PLXNA2: variants seen among roughly 807,000 people sequenced by gnomAD.
PLXNA2 encodes the protein plexin A2.
In PLXNA2, 91 loss-of-function variants were observed where a neutral mutation model predicts 193.5. The observed-to-expected ratio is 0.47, with a 90% CI of 0.40 to 0.56. The LOEUF is 0.56. PLXNA2 is among the 20% of genes least tolerant of loss of function. The pLI, the probability that PLXNA2 is intolerant of heterozygous loss-of-function variation, is 0.00. For synonymous variants in PLXNA2, 997 were observed against 1,027.3 expected, an observed-to-expected ratio of 0.97 and a Z score of 0.56; for missense variants, 1,995 against 2,503.2, an observed-to-expected ratio of 0.80 and a Z score of 4.33.
rs559755382 is a variant in PLXNA2, at chr1:208,159,537, G to A, written c.1372-17074C>T. 1.1e-3 allele frequency among the ~76,000 whole-genome samples: 163 copies of A among 152,336 alleles called. 6 individuals carry two copies. The South Asian group carries it at 0.032, about 30-fold the overall frequency. On this transcript the variant is annotated intron_variant, in intron 3 of 31. Coordinates refer to ENST00000367033, the MANE Select transcript of PLXNA2 (RefSeq NM_025179.4). ...TCTTGAGAGTCTGGGCATTTAGGAT[G>A]TTGGAGTCAGAGGAGACTGGGGACA...
At chr1:208,093,136 G>T (rs1666768859) in intron 8 of PLXNA2, among the ~76,000 whole-genome samples, 1 of 152,214 alleles carries the variant, frequency 6.6e-6, no homozygotes, top group African/African-American at 2.4e-5. Context: ...CAAAGCAGGG[G>T]TGTGCTTCTA....
At chr1:208,106,372 C>T (rs534745590) in intron 4 of PLXNA2, among the ~76,000 whole-genome samples, 15 of 152,294 alleles carry the variant, frequency 9.8e-5, no homozygotes, top group East Asian at 5.8e-4. Context: ...ATAAAAACAA[C>T]GACAGCATTA....
At chr1:208,058,785 T>G (rs745918285) in intron 13 of PLXNA2, among the ~76,000 whole-genome samples, 3 of 152,150 alleles carry the variant, frequency 2.0e-5, no homozygotes, top group Non-Finnish European at 4.4e-5. Flanking sequence ...GCCCTGGGTG[T>G]GGGGTGAGTG....
intron 1 of PLXNA2, among the ~76,000 whole-genome samples, chr1:208,234,499 G>A (rs949913673): frequency 2.0e-5 from 3 of 152,186 alleles, no homozygotes; most frequent in Non-Finnish European, 2.9e-5. Flanking sequence ...AGCTCCTTGT[G>A]TTGCTTGGGG....
intron 2 of PLXNA2, among the ~76,000 whole-genome samples, chr1:208,215,805 G>A (rs1558249090): frequency 2.6e-5 from 4 of 152,156 alleles, no homozygotes; most frequent in African/African-American, 7.2e-5. Context: ...GAAGAAGAGT[G>A]GATCATGAAT....
At chr1:208,096,207 C>A (rs774190998) in intron 7 of PLXNA2, 82 bp from the exon 8 acceptor site, 39 of 1,021,062 alleles carry the variant, frequency 3.8e-5, no homozygotes, top group Non-Finnish European at 5.4e-5. Context: ...AAATGTAAGT[C>A]ATGAAGCCAC....
intron 14 of PLXNA2, among the ~76,000 whole-genome samples, chr1:208,054,197 T>A (rs550760183): frequency 7.0e-4 from 106 of 152,332 alleles, no homozygotes; most frequent in African/African-American, 2.4e-3. Flanking sequence ...CCTCTGGGAC[T>A]CCCAAGACTC....
intron 3 of PLXNA2, among the ~76,000 whole-genome samples, chr1:208,142,676 G>C (rs1326188317): frequency 6.6e-6 from 1 of 152,214 alleles, no homozygotes; most frequent in East Asian, 1.9e-4. Flanking sequence ...TGGGATTTCT[G>C]ACAGTGGATT....
At chr1:208,083,441 C>T (rs1214629935) in intron 10 of PLXNA2, among the ~76,000 whole-genome samples, 3 of 152,084 alleles carry the variant, frequency 2.0e-5, no homozygotes, top group Non-Finnish European at 2.9e-5. Context: ...CTTCTGCTCC[C>T]GCCCTCCCCT....
Position 208,027,346 on chromosome 1 carries a change from G to GT in PLXNA2, c.5590-9_5590-8insA. The GT allele has an allele frequency of 6.2e-7, 1 of 1,610,804 alleles. No individual in the cohort carries two copies. The highest frequency in any genetic ancestry group is 8.5e-7 in the Non-Finnish European group (1 of 1,179,394). On this transcript the variant is annotated splice_polypyrimidine_tract_variant and intron_variant, in intron 31 of 31. Coordinates refer to ENST00000367033, the MANE Select transcript of PLXNA2 (RefSeq NM_025179.4). ...CTCTAGGGCCCCGATGAGCTGAGGA[G>GT]CAAAAACAAAGGCAGGAAGACTTCA... is the stretch of plus-strand genomic sequence containing the variant.
At chr1:208,243,312 G>C (rs1672122175) in intron 1 of PLXNA2, among the ~76,000 whole-genome samples, 1 of 152,124 alleles carries the variant, frequency 6.6e-6, no homozygotes, top group South Asian at 2.1e-4. Flanking sequence ...CCCCAAAGCC[G>C]CAGAGCGCCG....
intron 3 of PLXNA2, among the ~76,000 whole-genome samples, chr1:208,195,559 C>A (rs977784195): frequency 1.2e-4 from 18 of 146,800 alleles, no homozygotes; most frequent in East Asian, 6.2e-4. Flanking sequence ...AGGCTGCCTA[C>A]AAATAGCTCC....
At position 208,111,391 on chromosome 1, in the gene PLXNA2, G is replaced by A. The variant is rs760478849; in HGVS notation, c.1507-8144C>T. Among the ~76,000 whole-genome samples the A allele has an allele frequency of 6.4e-4, 97 of 152,170 alleles. 1 individual carries two copies. The highest frequency in any genetic ancestry group is 1.7e-3 in the South Asian group (8 of 4,816). ...TGGACTTCTGTTTTTAAGCTTACTA[G>A]GACCAGAACGATAATGGAAGAGGCT... On this transcript the variant is annotated intron_variant, in intron 4 of 31. Coordinates refer to ENST00000367033, the MANE Select transcript of PLXNA2 (RefSeq NM_025179.4).
rs778616844 is a variant in PLXNA2 at position 208,026,429 on chromosome 1, G to C, written c.*814C>G. On this transcript the variant is annotated 3_prime_UTR_variant, in exon 32 of 32. Transcript: ENST00000367033. Reference sequence around the variant, plus strand: ...TAGCAAAAAGCATTGGTACTATCTAGGTACACATCTCCTCTCAAAAGATGA... The same window carrying C: ...TAGCAAAAAGCATTGGTACTATCTACGTACACATCTCCTCTCAAAAGATGA... 2.0e-5 allele frequency: 3 copies of C among 152,182 alleles called. No individual in the cohort carries two copies. Among genetic ancestry groups the C allele is most frequent in the Non-Finnish European group, 4.4e-5 (3 of 68,048 alleles). The allele number at this position is 152,182 out of a possible 1,614,324, so 9.4% of individuals were successfully genotyped here.
chr1:208,241,477 C>G (rs1274186669), intron 1 of PLXNA2, among the ~76,000 whole-genome samples: 6 of 152,278 alleles, frequency 3.9e-5, no homozygotes, highest in Middle Eastern at 3.4e-3. Context: ...AGCTAGCCAG[C>G]CCCCCTGTCC....
At chr1:208,162,506 C>A (rs1044149347) in intron 3 of PLXNA2, among the ~76,000 whole-genome samples, 1 of 152,072 alleles carries the variant, frequency 6.6e-6, no homozygotes, top group Non-Finnish European at 1.5e-5. Context: ...TAGCTTTGGC[C>A]CTTTGTGCTT....
chr1:208,225,052 C>T (rs532070906), intron 1 of PLXNA2, among the ~76,000 whole-genome samples: 3 of 152,276 alleles, frequency 2.0e-5, no homozygotes, highest in Non-Finnish European at 2.9e-5. Flanking sequence ...AGGGGAGCTG[C>T]GTGCGGCTCT....
chr1:208,195,337 G>C (rs1480597672), intron 3 of PLXNA2, among the ~76,000 whole-genome samples: 1 of 152,186 alleles, frequency 6.6e-6, no homozygotes, highest in Admixed American at 6.5e-5. Context: ...TTTCCCTCTA[G>C]CTTTTGTGGA....
At chr1:208,067,387 A>G (rs1042209711) in intron 12 of PLXNA2, among the ~76,000 whole-genome samples, 1 of 152,136 alleles carries the variant, frequency 6.6e-6, no homozygotes, top group Non-Finnish European at 1.5e-5. Flanking sequence ...TTAATTTATA[A>G]TTAAAGAAGG....
Sources: gnomAD v4.1 joint callset for allele counts (sites outside exome capture counted in the v4.1 genomes callset) on GRCh38, gnomAD v4.1.1 for gene constraint, MANE v1.5 for transcripts, NCBI Gene and HGNC (gene_info 2026-07-23, HGNC 2026-07-21) for gene names.